Variants in BACH1 observed in about 807,000 individuals in gnomAD.
BACH1 encodes transcription regulator protein BACH1.
In BACH1, 35 loss-of-function variants were observed where a neutral mutation model predicts 52.9. That is an observed-to-expected ratio of 0.66 (90% CI 0.51 to 0.88). The LOEUF is 0.88. Ranked by LOEUF, BACH1 falls within the 40% of genes least tolerant of loss-of-function variation. The pLI is 0.00. For synonymous variants in BACH1, 321 were observed against 319.6 expected (o/e 1.00, Z -0.05); for missense variants, 808 against 872.6 (o/e 0.93, Z 0.93).
intron 2 of BACH1, among the ~76,000 whole-genome samples, chr21:29,324,744 T>C (rs2088890763): frequency 6.6e-6 from 1 of 152,204 alleles, no homozygotes. Context: ...GTGCAGTTGC[T>C]GGGTTATATG....
chr21:29,333,203 C>T (rs1179435119), intron 4 of BACH1, among the ~76,000 whole-genome samples: 1 of 152,098 alleles, frequency 6.6e-6, no homozygotes, highest in African/African-American at 2.4e-5. Flanking sequence ...AAGAATTTGA[C>T]GTTTAAGATA....
downstream of BACH1, among the ~76,000 whole-genome samples, chr21:29,346,948 A>C (rs1228722399): frequency 6.6e-6 from 1 of 152,108 alleles, no homozygotes; most frequent in Non-Finnish European, 1.5e-5. Flanking sequence ...AGTGAGAGGG[A>C]GAAGGAGGAA....
At chr21:29,333,102 C>T (rs1288311402) in intron 4 of BACH1, among the ~76,000 whole-genome samples, 1 of 152,190 alleles carries the variant, frequency 6.6e-6, no homozygotes, top group East Asian at 1.9e-4. Context: ...AATTTCTGTA[C>T]TGCGTAGATG....
Position 29,343,066 on chromosome 21 carries a change from T to A in BACH1, c.*233T>A. The stretch of plus-strand genomic sequence containing the variant: ...AATCCATGTGAAAATGTAGTAAACC[T>A]TTAAAACTCATGTTTTAAAGAATAA... On this transcript the variant is annotated 3_prime_UTR_variant, in exon 5 of 5. Coordinates refer to ENST00000286800, the MANE Select transcript of BACH1 (RefSeq NM_001186.4). 1 of 387,108 alleles carries A rather than the reference T, an allele frequency of 2.6e-6. No homozygotes were observed. The highest frequency in any genetic ancestry group is 4.6e-6 in the Non-Finnish European group (1 of 216,134). 24.0% of individuals were successfully genotyped at this position (387,108 alleles called of 1,614,324 possible).
intron 3 of BACH1, among the ~76,000 whole-genome samples, chr21:29,328,938 T>G (rs2088948790): frequency 6.6e-6 from 1 of 152,234 alleles, no homozygotes; most frequent in Admixed American, 6.5e-5. Flanking sequence ...ACGTTTTCTT[T>G]ATCCGTTCAT....
downstream of BACH1, among the ~76,000 whole-genome samples, chr21:29,346,772 T>C (rs2089171268): frequency 6.6e-6 from 1 of 152,166 alleles, no homozygotes; most frequent in Admixed American, 6.5e-5. Context: ...TTGTGTGAGA[T>C]AGTGTGGTGG....
chr21:29,331,560 A>C (rs562111177), intron 4 of BACH1, among the ~76,000 whole-genome samples: 3 of 152,288 alleles, frequency 2.0e-5, no homozygotes, highest in African/African-American at 7.2e-5. Context: ...ACTAAATTTC[A>C]GATATCTAGG....
chr21:29,303,423 G>A (rs963068326), intron 1 of BACH1, among the ~76,000 whole-genome samples: 8 of 152,214 alleles, frequency 5.3e-5, no homozygotes, highest in Admixed American at 2.0e-4. Context: ...ACTGTTGGTT[G>A]CTGAACTGGG....
chr21:29,326,058 G>A lies in BACH1; in HGVS notation c.235-1G>A. On this transcript the variant is annotated splice_acceptor_variant, in intron 2 of 4. Coordinates refer to ENST00000286800, the MANE Select transcript of BACH1 (RefSeq NM_001186.4). LOFTEE classifies it high-confidence loss of function. ...TTTGTTTTTATTTTGTGTATCAACAGGTGACAGTTAAAGGATTTGAACCTT... is the reference window on the plus strand; with the variant it reads ...TTTGTTTTTATTTTGTGTATCAACAAGTGACAGTTAAAGGATTTGAACCTT... 6.3e-7 allele frequency: 1 copy of A among 1,594,358 alleles called. No homozygotes were observed. Among genetic ancestry groups the A allele is most frequent in the Non-Finnish European group, 8.5e-7 (1 of 1,171,294 alleles).
chr21:29,346,348 T>C (rs191735399), downstream of BACH1, among the ~76,000 whole-genome samples: 87 of 152,308 alleles, frequency 5.7e-4, no homozygotes, highest in Middle Eastern at 0.01. Context: ...TGATTTTACT[T>C]AATGTTAGTT....
At chr21:29,351,601 T>A (rs774599797) in intron 2 of BACH1, 2 of 534,608 alleles carry the variant, frequency 3.7e-6, no homozygotes, top group African/African-American at 3.9e-5. Flanking sequence ...TCTATTATGC[T>A]CAACATCTGA....
chr21:29,302,543 G>A (rs1344858016), intron 1 of BACH1, among the ~76,000 whole-genome samples: 1 of 152,196 alleles, frequency 6.6e-6, no homozygotes, highest in East Asian at 1.9e-4. Flanking sequence ...TCTTCTACCT[G>A]GTAACTAGTG....
rs1277148509 is a variant in BACH1, at chr21:29,298,944, C to T, written c.-70C>T. Reference sequence around the variant, plus strand: ...TTCAGTCAGTCGGGCCGCGCCGCGCCTCAGCTCTGGTGAGTGGCTCGGCCG... The same window carrying T: ...TTCAGTCAGTCGGGCCGCGCCGCGCTTCAGCTCTGGTGAGTGGCTCGGCCG... On this transcript the variant is annotated 5_prime_UTR_variant, in exon 1 of 5. Transcript: ENST00000286800. 1 of 151,922 alleles carries T rather than the reference C, an allele frequency of 6.6e-6. No individual in the cohort carries two copies. Among genetic ancestry groups the T allele is most frequent in the Non-Finnish European group, 1.5e-5 (1 of 68,006 alleles). The allele number at this position is 151,922 out of a possible 1,614,324, so 9.4% of individuals were successfully genotyped here. A position where few individuals can be genotyped will look rare whatever the true frequency, so the allele number is the denominator to read the frequency against.
intron 2 of BACH1, among the ~76,000 whole-genome samples, chr21:29,322,673 A>G (rs555944199): frequency 1.4e-4 from 22 of 152,366 alleles, no homozygotes; most frequent in African/African-American, 4.8e-4. Context: ...GGATATTCCC[A>G]GTTGGATACG....
At chr21:29,313,894 T>G (rs953568834) in intron 1 of BACH1, among the ~76,000 whole-genome samples, 8 of 151,608 alleles carry the variant, frequency 5.3e-5, no homozygotes, top group Non-Finnish European at 8.9e-5. Flanking sequence ...TTGGGGGGGG[T>G]GGTGGTGGTT....
intron 2 of BACH1, among the ~76,000 whole-genome samples, chr21:29,354,457 G>A (rs577802706): frequency 6.6e-6 from 1 of 152,280 alleles, no homozygotes; most frequent in African/African-American, 2.4e-5. Flanking sequence ...AAGAAACCAC[G>A]GCTGTAGTCA....
intron 1 of BACH1, chr21:29,300,967 A>G (rs1040923763): frequency 6.6e-6 from 1 of 152,230 alleles, no homozygotes; most frequent in Non-Finnish European, 1.5e-5. Flanking sequence ...ACCTGGTGTC[A>G]TTGCTTCTTG....
rs758653110 is a variant in BACH1, at chr21:29,321,212, T to G, written c.-60-9T>G. The G allele has an allele frequency of 7.8e-7, 1 of 1,281,088 alleles. No homozygotes were observed. The highest frequency in any genetic ancestry group is 1.1e-6 in the Non-Finnish European group (1 of 884,314). The allele number at this position is 1,281,088 out of a possible 1,614,324, so 79.4% of individuals were successfully genotyped here. ...TTATTTAAGTGAAATCTTGCATGTG[T>G]GTTTGCAGGTTGATGATAATTAGAA... On this transcript the variant is annotated splice_polypyrimidine_tract_variant and intron_variant, in intron 1 of 4. Transcript: ENST00000286800.
At chr21:29,304,404 C>G (rs943321683) in intron 1 of BACH1, among the ~76,000 whole-genome samples, 1 of 152,140 alleles carries the variant, frequency 6.6e-6, no homozygotes, top group Non-Finnish European at 1.5e-5. Flanking sequence ...AGATTACAGG[C>G]GTGAGCCACT....
Sources: allele counts gnomAD v4.1 joint callset (sites outside exome capture counted in the v4.1 genomes callset), GRCh38; gene constraint gnomAD v4.1.1; transcripts MANE v1.5; gene names NCBI Gene and HGNC (gene_info 2026-07-23, HGNC 2026-07-21).